SGMS1: variants seen among roughly 807,000 people sequenced by gnomAD.
SGMS1 encodes phosphatidylcholine:ceramide cholinephosphotransferase 1.
Under a neutral mutation model 46.2 loss-of-function variants are expected in SGMS1, and 13 were observed. The observed-to-expected ratio is 0.28, with a 90% CI of 0.18 to 0.45. The LOEUF is 0.45. SGMS1 is among the 20% of genes least tolerant of loss of function. SGMS1 has a pLI of 1.00. For missense variants in SGMS1, 324 were observed against 519.9 expected (o/e 0.62, Z 3.66); for synonymous variants, 203 against 187.8 (o/e 1.08, Z -0.66).
At chr10:50,572,881 G>C (rs551860081) in intron 2 of SGMS1, among the ~76,000 whole-genome samples, 2 of 152,182 alleles carry the variant, frequency 1.3e-5, no homozygotes, top group African/African-American at 4.8e-5. Context: ...CCCTCCAGAA[G>C]ACCTAGCACC....
intron 1 of SGMS1, among the ~76,000 whole-genome samples, chr10:50,604,154 C>T (rs1838673112): frequency 6.6e-6 from 1 of 152,130 alleles, no homozygotes; most frequent in African/African-American, 2.4e-5. Context: ...CTGATGACAG[C>T]TCTCAGACAG....
intron 3 of SGMS1, among the ~76,000 whole-genome samples, chr10:50,486,972 C>T (rs752342440): frequency 2.0e-5 from 3 of 152,164 alleles, no homozygotes; most frequent in Non-Finnish European, 4.4e-5. Flanking sequence ...TAATACTATG[C>T]AGTCATAGAA....
intron 1 of SGMS1, 185 bp downstream of exon 1, chr10:50,623,522 G>A: frequency 4.2e-6 from 4 of 951,066 alleles, no homozygotes; most frequent in Middle Eastern, 5.4e-4. Context: ...CCACCCACGG[G>A]AGCAGCAGCT....
chr10:50,483,328 C>T (rs538762679), intron 3 of SGMS1, among the ~76,000 whole-genome samples: 1 of 152,226 alleles, frequency 6.6e-6, no homozygotes, highest in Non-Finnish European at 1.5e-5. Flanking sequence ...GATCCACCCA[C>T]CTCAGCCCCA....
intron 2 of SGMS1, among the ~76,000 whole-genome samples, chr10:50,540,841 G>A (rs983138535): frequency 6.6e-6 from 1 of 152,152 alleles, no homozygotes. Flanking sequence ...GCTTTTAGGG[G>A]AAGGAGGTGA....
At chr10:50,604,416 A>T (rs572043629) in intron 1 of SGMS1, among the ~76,000 whole-genome samples, 2 of 152,336 alleles carry the variant, frequency 1.3e-5, no homozygotes, top group South Asian at 4.1e-4. Flanking sequence ...GCCACCAAAA[A>T]TGCACAACAT....
chr10:50,539,682 G>A (rs987017126), intron 2 of SGMS1, among the ~76,000 whole-genome samples: 2 of 152,070 alleles, frequency 1.3e-5, no homozygotes, highest in Non-Finnish European at 2.9e-5. Context: ...GTGATCCATG[G>A]GTATGCTTTG....
At chr10:50,514,424 C>T (rs1232721252) in intron 3 of SGMS1, among the ~76,000 whole-genome samples, 4 of 152,128 alleles carry the variant, frequency 2.6e-5, no homozygotes, top group Non-Finnish European at 4.4e-5. Context: ...GGAGTGGCTA[C>T]GTGGCTATGC....
intron 6 of SGMS1, among the ~76,000 whole-genome samples, chr10:50,353,054 T>C (rs1055192477): frequency 1.3e-4 from 20 of 152,156 alleles, no homozygotes; most frequent in African/African-American, 3.9e-4. Flanking sequence ...TTCCAATCAA[T>C]AGAAAAAGAG....
chr10:50,399,157 G>A (rs116277155), intron 6 of SGMS1, among the ~76,000 whole-genome samples: 10 of 151,676 alleles, frequency 6.6e-5, no homozygotes, highest in Non-Finnish European at 1.3e-4. Flanking sequence ...AAAATATACC[G>A]CAGTAAGTTG....
At chr10:50,310,496 T>C (rs1262575092) in intron 9 of SGMS1, among the ~76,000 whole-genome samples, 8 of 152,134 alleles carry the variant, frequency 5.3e-5, no homozygotes, top group African/African-American at 1.9e-4. Flanking sequence ...GGCAGAAGAA[T>C]ATAAATGGCA....
chr10:50,566,952 T>C (rs995714687), intron 2 of SGMS1, among the ~76,000 whole-genome samples: 2 of 152,094 alleles, frequency 1.3e-5, no homozygotes, highest in Non-Finnish European at 2.9e-5. Flanking sequence ...TTGTTGTCGT[T>C]GTTGTTGTTT....
intron 3 of SGMS1, among the ~76,000 whole-genome samples, chr10:50,507,717 A>G (rs1837719563): frequency 6.6e-6 from 1 of 152,188 alleles, no homozygotes; most frequent in South Asian, 2.1e-4. Context: ...GCCTGGTATA[A>G]TAACACCACT....
intron 3 of SGMS1, among the ~76,000 whole-genome samples, chr10:50,479,515 A>G (rs2133716081): frequency 6.6e-6 from 1 of 152,262 alleles, no homozygotes; most frequent in Non-Finnish European, 1.5e-5. Context: ...TGACTTTCTG[A>G]GCTAAATTTT....
At chr10:50,616,575 G>T (rs1373069326) in intron 1 of SGMS1, among the ~76,000 whole-genome samples, 5 of 152,294 alleles carry the variant, frequency 3.3e-5, no homozygotes, top group African/African-American at 1.2e-4. Context: ...AAGCGGCGGG[G>T]GGTGTTGTTA....
At chr10:50,488,840 A>G (rs1038014719) in intron 3 of SGMS1, among the ~76,000 whole-genome samples, 1 of 152,086 alleles carries the variant, frequency 6.6e-6, no homozygotes, top group East Asian at 1.9e-4. Flanking sequence ...ACACCTGCCA[A>G]TGCTCTCCTA....
chr10:50,502,306 G>A (rs201200926), intron 3 of SGMS1, among the ~76,000 whole-genome samples: 554 of 130,766 alleles, frequency 4.2e-3, no homozygotes, highest in Middle Eastern at 0.016. Context: ...AATGAGGAAA[G>A]AAAAAAAAAA....
At chr10:50,558,921 T>C (rs910474744) in intron 2 of SGMS1, among the ~76,000 whole-genome samples, 1 of 152,134 alleles carries the variant, frequency 6.6e-6, no homozygotes, top group African/African-American at 2.4e-5. Flanking sequence ...AGGTTTCCGG[T>C]CAAGAGTAGG....
At chr10:50,557,686 A>C (rs1165585539) in intron 2 of SGMS1, among the ~76,000 whole-genome samples, 1 of 64,890 alleles carries the variant, frequency 1.5e-5, no homozygotes, top group South Asian at 3.5e-4. Flanking sequence ...CTCTAACAGC[A>C]AAAAAAAAAA....
Sources: allele counts gnomAD v4.1 joint callset (sites outside exome capture counted in the v4.1 genomes callset), GRCh38; gene constraint gnomAD v4.1.1; transcripts MANE v1.5; gene names NCBI Gene and HGNC (gene_info 2026-07-23, HGNC 2026-07-21).